The following SPAG1 variants were observed in gnomAD, a reference collection of about 807,000 sequenced individuals.
The protein encoded by SPAG1 is sperm associated antigen 1.
In SPAG1, 69 loss-of-function variants were observed where a neutral mutation model predicts 100.5. That is an observed-to-expected ratio of 0.69 (90% confidence interval 0.57 to 0.84). The LOEUF is 0.84. Ranked by LOEUF, SPAG1 falls within the 40% of genes least tolerant of loss-of-function variation. The pLI is 0.00. For missense variants in SPAG1, 955 were observed against 1,133.1 expected (o/e 0.84, Z 2.26); for synonymous variants, 336 against 411.6 (o/e 0.82, Z 2.22).
chr8:100,190,127 G>A (rs539798039), intron 8 of SPAG1, among the ~76,000 whole-genome samples: 55 of 152,072 alleles, frequency 3.6e-4, no homozygotes, highest in Non-Finnish European at 4.3e-4. Flanking sequence ...TGGCTAACAC[G>A]GTGAAACCCC....
In SPAG1 at chr8:100,162,370, T is replaced by G; in HGVS notation, c.90T>G (p.Ile30Met). The G allele has an allele frequency of 6.3e-7, 1 of 1,597,738 alleles. No homozygotes were observed. The highest frequency in any genetic ancestry group is 8.5e-7 in the Non-Finnish European group (1 of 1,174,332). ...IPIEHLDFKY[I>M]EKCSDVKHLE... is the part of the protein sequence containing the mutation. ...TTGAACATCTAGATTTCAAATACAT[T>G]GAAAAATGTTCAGATGTTAAACATC... Residue 30 changes from isoleucine (I) to methionine (M), a missense_variant, in exon 2 of 19, where the codon ATT (isoleucine) becomes ATG (methionine). By Grantham distance (10) the Ile-to-Met change is conservative (BLOSUM62 1). Transcript: ENST00000388798.
intron 16 of SPAG1, among the ~76,000 whole-genome samples, chr8:100,238,858 C>T (rs1819125990): frequency 6.6e-6 from 1 of 152,028 alleles, no homozygotes; most frequent in Non-Finnish European, 1.5e-5. Flanking sequence ...AGACTGAAGC[C>T]CAGAAAGGTT....
At chr8:100,197,752 G>T (rs979258584) in intron 10 of SPAG1, among the ~76,000 whole-genome samples, 2 of 152,088 alleles carry the variant, frequency 1.3e-5, no homozygotes, top group African/African-American at 4.8e-5. Context: ...ATCTCCACTC[G>T]GGTTGGCCAG....
chr8:100,173,348 C>T (rs763248531), intron 3 of SPAG1, among the ~76,000 whole-genome samples: 19 of 152,112 alleles, frequency 1.2e-4, no homozygotes, highest in Non-Finnish European at 2.5e-4. Flanking sequence ...CATTCTTTCT[C>T]GCTCCCTTCC....
Position 100,174,849 on chromosome 8 carries a change from C to CT in SPAG1, c.301-2960dup, listed in dbSNP as rs199764805. ...ATATCTTGAAACACTTCACTCCCAA[C>CT]TTTTTTTGGCATATTCATAATCTCT... On this transcript the variant is annotated intron_variant, in intron 3 of 18. Coordinates refer to ENST00000388798, the MANE Select transcript of SPAG1 (RefSeq NM_003114.5). Among the ~76,000 whole-genome samples the CT allele has an allele frequency of 6.6e-4, 101 of 152,202 alleles. 1 individual carries two copies. The East Asian group carries it at 0.014, about 22-fold the overall frequency.
At chr8:100,170,192 AT>A (rs1815754155) in intron 3 of SPAG1, among the ~76,000 whole-genome samples, 1 of 152,132 alleles carries the variant, frequency 6.6e-6, no homozygotes, top group Non-Finnish European at 1.5e-5. Flanking sequence ...TTCTTCATTC[AT>A]TTAAGTCTTC....
At chr8:100,207,046 T>A (rs1359199484) in intron 10 of SPAG1, among the ~76,000 whole-genome samples, 1 of 152,232 alleles carries the variant, frequency 6.6e-6, no homozygotes, top group East Asian at 1.9e-4. Context: ...CCCTGCCATC[T>A]TCTGCAGATA....
intron 10 of SPAG1, among the ~76,000 whole-genome samples, chr8:100,209,202 G>A (rs1225381458): frequency 1.3e-5 from 2 of 152,006 alleles, no homozygotes; most frequent in Non-Finnish European, 2.9e-5. Context: ...CTTCATTGTT[G>A]AGACTTGGAC....
intron 1 of SPAG1, among the ~76,000 whole-genome samples, chr8:100,160,076 A>C (rs1815238965): frequency 6.6e-6 from 1 of 152,204 alleles, no homozygotes; most frequent in Admixed American, 6.5e-5. Flanking sequence ...AAGTACTTAG[A>C]ATGGTGCCTA....
At chr8:100,173,506 T>C (rs1391799442) in intron 3 of SPAG1, among the ~76,000 whole-genome samples, 1 of 152,218 alleles carries the variant, frequency 6.6e-6, no homozygotes, top group Non-Finnish European at 1.5e-5. Context: ...TTTTTTGCTG[T>C]ATCCCAGTGC....
chr8:100,170,789 T>C (rs550210356), intron 3 of SPAG1, among the ~76,000 whole-genome samples: 1 of 151,288 alleles, frequency 6.6e-6, no homozygotes, highest in Non-Finnish European at 1.5e-5. Flanking sequence ...TGTGCTTCTT[T>C]TCCAGTCTGC....
At chr8:100,180,762 G>T (rs1388509576) in intron 4 of SPAG1, among the ~76,000 whole-genome samples, 1 of 152,184 alleles carries the variant, frequency 6.6e-6, no homozygotes, top group African/African-American at 2.4e-5. Flanking sequence ...TATGGAACTT[G>T]AGCACTAGTG....
chr8:100,230,018 G>A (rs370515130), intron 14 of SPAG1, among the ~76,000 whole-genome samples: 10 of 152,208 alleles, frequency 6.6e-5, no homozygotes, highest in African/African-American at 2.4e-4. Flanking sequence ...GAAAGAAAAA[G>A]ATTTATTTTA....
At chr8:100,187,011 C>T (rs1586434157) in intron 7 of SPAG1, 109 bp from the exon 8 acceptor site, 2 of 970,172 alleles carry the variant, frequency 2.1e-6, no homozygotes, top group East Asian at 5.6e-5. Context: ...GGATACAATT[C>T]AGCCCATAGA....
intron 10 of SPAG1, 124 bp downstream of exon 10, chr8:100,194,392 T>C: frequency 7.3e-7 from 1 of 1,365,704 alleles, no homozygotes; most frequent in African/African-American, 1.4e-5. Flanking sequence ...CCTTGTAAAT[T>C]CACAAGCCAG....
intron 9 of SPAG1, among the ~76,000 whole-genome samples, chr8:100,192,310 G>C (rs1372308716): frequency 6.6e-6 from 1 of 152,158 alleles, no homozygotes; most frequent in East Asian, 1.9e-4. Flanking sequence ...AACAGAGTGA[G>C]ACTCCATCTC....
At position 100,158,599 on chromosome 8, in the gene SPAG1, G is replaced by A. The variant is rs1815170081; in HGVS notation, c.-20G>A. On this transcript the variant is annotated 5_prime_UTR_variant, in exon 1 of 19. Transcript: ENST00000388798. ...CCCAGCTTTTCGCGTTAGTAGGCCC[G>A]AGCAGTTTGAACTGGAGGTATTACT... 2 of 152,218 alleles carry A rather than the reference G, an allele frequency of 1.3e-5. No individual in the cohort carries two copies. The highest frequency in any genetic ancestry group is 1.3e-4 in the Admixed American group (2 of 15,276). 9.4% of individuals were successfully genotyped at this position (152,218 alleles called of 1,614,324 possible). A position where few individuals can be genotyped will look rare whatever the true frequency, so the allele number is the denominator to read the frequency against.
chr8:100,219,227 G>A (rs1223868492), intron 12 of SPAG1, among the ~76,000 whole-genome samples: 1 of 152,160 alleles, frequency 6.6e-6, no homozygotes, highest in Admixed American at 6.5e-5. Context: ...TAAGAGTATC[G>A]GAAAAACAGC....
chr8:100,164,750 A>G (rs962448111), intron 2 of SPAG1, among the ~76,000 whole-genome samples: 2 of 152,220 alleles, frequency 1.3e-5, no homozygotes, highest in Non-Finnish European at 2.9e-5. Flanking sequence ...ATAGTTAACT[A>G]TTCATTGATA....
Sources: allele counts gnomAD v4.1 joint callset (sites outside exome capture counted in the v4.1 genomes callset), GRCh38; gene constraint gnomAD v4.1.1; transcripts MANE v1.5; gene names NCBI Gene and HGNC (gene_info 2026-07-23, HGNC 2026-07-21).